The following MBNL1 variants were observed in gnomAD, a reference collection of about 807,000 sequenced individuals.
MBNL1 encodes muscleblind like splicing regulator 1, also known as muscleblind-like protein 1.
A neutral mutation model predicts 42.2 loss-of-function variants in MBNL1; 8 were observed. That is an observed-to-expected ratio of 0.19 (90% CI 0.11 to 0.34). The LOEUF (loss-of-function observed/expected upper bound fraction) is 0.34. MBNL1 is among the 10% of genes least tolerant of loss of function. The pLI is 1.00. For missense variants in MBNL1, 309 were observed against 495.3 expected (o/e 0.62, Z 3.57); for synonymous variants, 169 against 173.9 (o/e 0.97, Z 0.22).
At chr3:152,271,825 C>G (rs1389880921) in intron 1 of MBNL1, among the ~76,000 whole-genome samples, 1 of 151,892 alleles carries the variant, frequency 6.6e-6, no homozygotes, top group African/African-American at 2.4e-5. Flanking sequence ...AATGTGCTGT[C>G]CAGTACAGTA....
intron 3 of MBNL1, among the ~76,000 whole-genome samples, chr3:152,427,916 CTA>C (rs1164957675): frequency 6.6e-6 from 1 of 151,642 alleles, no homozygotes; most frequent in African/African-American, 2.4e-5. Context: ...TATACTCCCT[CTA>C]TTTTTTTTTT....
At chr3:152,408,942 G>A (rs762205509) in intron 2 of MBNL1, among the ~76,000 whole-genome samples, 86 of 152,310 alleles carry the variant, frequency 5.6e-4, no homozygotes, top group Non-Finnish European at 1.0e-3. Context: ...TAGTGCTGAG[G>A]TTGAGAAATT....
At chr3:152,332,024 A>G (rs1487890018) in intron 2 of MBNL1, among the ~76,000 whole-genome samples, 2 of 152,234 alleles carry the variant, frequency 1.3e-5, no homozygotes, top group African/African-American at 4.8e-5. Flanking sequence ...GTTTGTTAAA[A>G]TGATCAGAAA....
At chr3:152,276,129 A>G (rs191510637) in intron 1 of MBNL1, among the ~76,000 whole-genome samples, 209 of 152,214 alleles carry the variant, frequency 1.4e-3, no homozygotes, top group African/African-American at 4.3e-3. Flanking sequence ...ATTTGCGGAG[A>G]TATGAGGCTT....
intron 2 of MBNL1, among the ~76,000 whole-genome samples, chr3:152,350,848 C>T (rs1184271150): frequency 6.6e-6 from 1 of 152,066 alleles, no homozygotes; most frequent in African/African-American, 2.4e-5. Context: ...CTTATAGACC[C>T]ATCTCGATAG....
chr3:152,257,478 T>C (rs1400628215), intron 2 of MBNL1, among the ~76,000 whole-genome samples: 1 of 152,004 alleles, frequency 6.6e-6, no homozygotes, highest in African/African-American at 2.4e-5. Flanking sequence ...CTCCTCTCAT[T>C]GGTGACCCAT....
chr3:152,292,671 C>T (rs538585767), intron 1 of MBNL1, among the ~76,000 whole-genome samples: 4 of 152,108 alleles, frequency 2.6e-5, no homozygotes, highest in African/African-American at 4.8e-5. Flanking sequence ...TAGTCATTTA[C>T]ATATCTCCTT....
At chr3:152,260,504 A>G (rs1408316153) in intron 2 of MBNL1, among the ~76,000 whole-genome samples, 2 of 152,254 alleles carry the variant, frequency 1.3e-5, no homozygotes, top group Non-Finnish European at 2.9e-5. Flanking sequence ...TATTGAATGT[A>G]CAGAATAGCT....
chr3:152,406,856 AAC>A (rs2098441227), intron 2 of MBNL1, among the ~76,000 whole-genome samples: 1 of 152,210 alleles, frequency 6.6e-6, no homozygotes, highest in Non-Finnish European at 1.5e-5. Context: ...AGAAAAGTCT[AAC>A]CTAAAATCCC....
At chr3:152,455,907 CTG>C (rs1414339428) in intron 7 of MBNL1, among the ~76,000 whole-genome samples, 3 of 152,034 alleles carry the variant, frequency 2.0e-5, no homozygotes, top group Admixed American at 1.3e-4. Flanking sequence ...AAACAGATAA[CTG>C]TATATATGAA....
intron 2 of MBNL1, among the ~76,000 whole-genome samples, chr3:152,405,958 A>G (rs977789681): frequency 2.0e-5 from 3 of 152,206 alleles, no homozygotes; most frequent in Non-Finnish European, 4.4e-5. Context: ...TGAAAAAATA[A>G]TGAAGCAATT....
At chr3:152,340,622 T>C (rs767656392) in intron 2 of MBNL1, 1 of 1,614,042 alleles carries the variant, frequency 6.2e-7, no homozygotes, top group Admixed American at 1.7e-5. Context: ...AGCAGGCACC[T>C]GCAACTAAAC....
chr3:152,252,043 G>A (rs143321002), intron 2 of MBNL1, among the ~76,000 whole-genome samples: 1 of 152,016 alleles, frequency 6.6e-6, no homozygotes, highest in African/African-American at 2.4e-5. Flanking sequence ...ATGGATTCAT[G>A]AATTTCTTTT....
intron 2 of MBNL1, among the ~76,000 whole-genome samples, chr3:152,405,101 A>C (rs1460942130): frequency 6.6e-6 from 1 of 152,186 alleles, no homozygotes; most frequent in Non-Finnish European, 1.5e-5. Flanking sequence ...ATTATGAAAT[A>C]TCTTCTCCTT....
At chr3:152,439,571 T>C (rs2099120391) in intron 4 of MBNL1, among the ~76,000 whole-genome samples, 2 of 152,210 alleles carry the variant, frequency 1.3e-5, no homozygotes, top group African/African-American at 4.8e-5. Flanking sequence ...TTTATATCTG[T>C]AATAAACTTT....
chr3:152,381,344 C>A (rs902756359), intron 2 of MBNL1, among the ~76,000 whole-genome samples: 6 of 151,800 alleles, frequency 4.0e-5, no homozygotes, highest in African/African-American at 1.5e-4. Flanking sequence ...GCATATTGAG[C>A]TAGTATGTGT....
intron 2 of MBNL1, among the ~76,000 whole-genome samples, chr3:152,332,973 G>T (rs558364761): frequency 1.4e-4 from 22 of 152,228 alleles, no homozygotes; most frequent in African/African-American, 5.1e-4. Flanking sequence ...ATTAAAGGAA[G>T]TCATTTCAGT....
Position 152,404,259 on chromosome 3 carries a change from C to G in MBNL1, c.175-10682C>G, listed in dbSNP as rs570260679. ...TGTAAATGGCAGCCAAAATTTTACACATCTGCTACAGTTTAGAAAATTATT... is the reference window on the plus strand; with the variant it reads ...TGTAAATGGCAGCCAAAATTTTACAGATCTGCTACAGTTTAGAAAATTATT... On this transcript the variant is annotated intron_variant, in intron 2 of 9. Coordinates refer to ENST00000324210, the MANE Select transcript of MBNL1 (RefSeq NM_021038.5). Among the ~76,000 whole-genome samples the G allele has an allele frequency of 5.3e-5, 8 of 152,270 alleles. 1 individual carries two copies. In the South Asian group the frequency reaches 1.7e-3, roughly 32 times the overall value.
intron 6 of MBNL1, among the ~76,000 whole-genome samples, chr3:152,452,069 A>G (rs1160014982): frequency 6.6e-6 from 1 of 152,220 alleles, no homozygotes; most frequent in East Asian, 1.9e-4. Flanking sequence ...ATGGTGTTTC[A>G]CACCTTCCAC....
Sources: gnomAD v4.1 joint callset for allele counts (sites outside exome capture counted in the v4.1 genomes callset) on GRCh38, gnomAD v4.1.1 for gene constraint, MANE v1.5 for transcripts, NCBI Gene and HGNC (gene_info 2026-07-23, HGNC 2026-07-21) for gene names.